CDH18: variants seen among roughly 807,000 people sequenced by gnomAD.
CDH18 encodes the protein cadherin 18.
CDH18 carries 31 observed loss-of-function variants against 67.9 expected under a neutral mutation model. The ratio of observed to expected loss-of-function variants is 0.46; its 90% CI spans 0.34 to 0.62. CDH18 has a LOEUF of 0.62. Ranked by LOEUF, CDH18 falls within the 20% of genes least tolerant of loss-of-function variation. The pLI is 0.01. For synonymous variants in CDH18, 362 were observed against 347.2 expected, an observed-to-expected ratio of 1.04 and a Z score of -0.48; for missense variants, 890 against 975.5, an observed-to-expected ratio of 0.91 and a Z score of 1.17.
chr5:19,581,310 T>C (rs1743213158), intron 7 of CDH18, among the ~76,000 whole-genome samples: 1 of 151,992 alleles, frequency 6.6e-6, no homozygotes, highest in South Asian at 2.1e-4. Context: ...TGTAAAGTAG[T>C]ACTTTCTCCT....
In CDH18 at chr5:19,486,267, G is replaced by A. The variant is rs114642781; in HGVS notation, c.1631-2715C>T. Among the ~76,000 whole-genome samples the A allele has an allele frequency of 9.2e-3, 1,386 of 150,588 alleles. 7 individuals are homozygous for A. Among genetic ancestry groups the A allele is most frequent in the Non-Finnish European group, 0.014 (944 of 67,752 alleles). On this transcript the variant is annotated intron_variant, in intron 11 of 12. Coordinates refer to ENST00000382275, the MANE Select transcript of CDH18 (RefSeq NM_004934.5). ...AATTTTGAACACTGAGGAAGAATATGAAAGGAAGAAGAAATATATATATAT... is the reference window on the plus strand; with the variant it reads ...AATTTTGAACACTGAGGAAGAATATAAAAGGAAGAAGAAATATATATATAT...
intron 2 of CDH18, among the ~76,000 whole-genome samples, chr5:19,953,331 A>G (rs1257936229): frequency 6.6e-6 from 1 of 152,118 alleles, no homozygotes; most frequent in East Asian, 1.9e-4. Flanking sequence ...TAGTACTTAC[A>G]TAGAGGAAGA....
At chr5:20,133,553 T>C (rs910463779) in intron 2 of CDH18, among the ~76,000 whole-genome samples, 2 of 152,168 alleles carry the variant, frequency 1.3e-5, no homozygotes, top group Non-Finnish European at 2.9e-5. Flanking sequence ...TACAGAATTA[T>C]AAGTTATTTG....
At chr5:20,271,826 T>C (rs1580634133) in intron 1 of CDH18, among the ~76,000 whole-genome samples, 1 of 151,896 alleles carries the variant, frequency 6.6e-6, no homozygotes, top group African/African-American at 2.4e-5. Context: ...GTTATGGCGG[T>C]AGAATACTAG....
intron 2 of CDH18, among the ~76,000 whole-genome samples, chr5:20,036,685 A>G (rs979767875): frequency 6.6e-6 from 1 of 152,056 alleles, no homozygotes; most frequent in African/African-American, 2.4e-5. Flanking sequence ...TTTCTGTCTC[A>G]TTCATCTGTC....
chr5:19,813,210 A>G (rs1285153493), intron 3 of CDH18, among the ~76,000 whole-genome samples: 1 of 152,140 alleles, frequency 6.6e-6, no homozygotes, highest in African/African-American at 2.4e-5. Context: ...TGATGGGTGC[A>G]GCAAACCACA....
At chr5:20,328,784 A>C (rs1194281091) in intron 1 of CDH18, among the ~76,000 whole-genome samples, 2 of 152,164 alleles carry the variant, frequency 1.3e-5, no homozygotes, top group African/African-American at 4.8e-5. Flanking sequence ...CCTTGAGCCC[A>C]GGAGTTCAAG....
At chr5:20,222,567 C>T (rs557848196) in intron 2 of CDH18, among the ~76,000 whole-genome samples, 4 of 151,212 alleles carry the variant, frequency 2.6e-5, no homozygotes, top group African/African-American at 9.7e-5. Flanking sequence ...GGAACATAAA[C>T]CAGAAGGACA....
At chr5:20,026,866 A>G (rs996952949) in intron 2 of CDH18, among the ~76,000 whole-genome samples, 1 of 152,122 alleles carries the variant, frequency 6.6e-6, no homozygotes, top group Non-Finnish European at 1.5e-5. Flanking sequence ...CTGAGGCAGG[A>G]GAATGGTGTG....
chr5:20,230,848 A>C (rs1410837823), intron 2 of CDH18, among the ~76,000 whole-genome samples: 4 of 152,222 alleles, frequency 2.6e-5, no homozygotes, highest in Non-Finnish European at 5.9e-5. Context: ...CTGAACAAAC[A>C]AACAAGAGAA....
chr5:19,950,740 AT>A (rs1290893788), intron 2 of CDH18, among the ~76,000 whole-genome samples: 2 of 152,136 alleles, frequency 1.3e-5, no homozygotes, highest in Non-Finnish European at 2.9e-5. Context: ...CTAACCACAA[AT>A]AGCTATTGAA....
intron 2 of CDH18, among the ~76,000 whole-genome samples, chr5:20,035,693 T>C (rs773283935): frequency 6.6e-6 from 1 of 152,008 alleles, no homozygotes; most frequent in African/African-American, 2.4e-5. Context: ...ATGGGGATCA[T>C]GTGGATTACA....
chr5:20,124,529 A>C (rs1000671455), intron 2 of CDH18, among the ~76,000 whole-genome samples: 1 of 152,056 alleles, frequency 6.6e-6, no homozygotes, highest in Non-Finnish European at 1.5e-5. Flanking sequence ...TAAATCCCTG[A>C]CCTCTTTTAA....
At chr5:19,489,155 A>G (rs1465353946) in intron 11 of CDH18, among the ~76,000 whole-genome samples, 1 of 152,026 alleles carries the variant, frequency 6.6e-6, no homozygotes, top group Non-Finnish European at 1.5e-5. Flanking sequence ...AACTGATTCC[A>G]CCTAGTATAT....
At chr5:20,278,220 A>G (rs1745951590) in intron 1 of CDH18, among the ~76,000 whole-genome samples, 1 of 152,100 alleles carries the variant, frequency 6.6e-6, no homozygotes, top group Admixed American at 6.6e-5. Flanking sequence ...TAGTAATCAA[A>G]CTCCCAAAGA....
intron 2 of CDH18, among the ~76,000 whole-genome samples, chr5:20,218,852 C>T (rs540123292): frequency 6.6e-6 from 1 of 150,748 alleles, no homozygotes; most frequent in African/African-American, 2.4e-5. Context: ...TCTTTATCAG[C>T]AGCATGAAAA....
chr5:19,645,225 A>G (rs1323798092), intron 5 of CDH18, among the ~76,000 whole-genome samples: 2 of 152,218 alleles, frequency 1.3e-5, no homozygotes, highest in African/African-American at 2.4e-5. Context: ...TTCAGTTTGA[A>G]TATTATGTGC....
intron 1 of CDH18, among the ~76,000 whole-genome samples, chr5:20,396,780 A>G (rs1179680281): frequency 5.9e-5 from 9 of 152,180 alleles, no homozygotes; most frequent in Non-Finnish European, 1.0e-4. Context: ...CTTTCCATTT[A>G]CTATGATATC....
intron 3 of CDH18, among the ~76,000 whole-genome samples, chr5:19,753,120 C>T (rs984147432): frequency 6.6e-6 from 1 of 152,142 alleles, no homozygotes; most frequent in African/African-American, 2.4e-5. Flanking sequence ...CAGAACAGGG[C>T]TCTTTAACAC....
Sources: allele counts gnomAD v4.1 joint callset (sites outside exome capture counted in the v4.1 genomes callset), GRCh38; gene constraint gnomAD v4.1.1; transcripts MANE v1.5; gene names NCBI Gene and HGNC (gene_info 2026-07-23, HGNC 2026-07-21).